Variants in PTPRT observed in about 807,000 individuals in gnomAD.
PTPRT encodes receptor-type tyrosine-protein phosphatase T.
PTPRT carries 56 observed loss-of-function variants against 176.8 expected under a neutral mutation model. That is an observed-to-expected ratio of 0.32 (90% confidence interval 0.26 to 0.40). PTPRT has a LOEUF of 0.40. Among genes scored for constraint, PTPRT ranks in the 10% least tolerant of loss-of-function variants. The pLI is 1.00. For missense variants in PTPRT, 1,540 were observed against 1,908.2 expected, an observed-to-expected ratio of 0.81 and a Z score of 3.60; for synonymous variants, 783 against 739.0, an observed-to-expected ratio of 1.06 and a Z score of -0.96.
chr20:42,455,601 T>C (rs766392275), intron 8 of PTPRT, among the ~76,000 whole-genome samples: 13 of 152,150 alleles, frequency 8.5e-5, no homozygotes, highest in Non-Finnish European at 1.9e-4. Context: ...ATGTCCTCAA[T>C]TCATTTACAA....
chr20:42,033,991 ATTAATTAATATATCAGGTATACTAGT>A, the PTPRT span, among the ~76,000 whole-genome samples: 1 of 152,114 alleles, frequency 6.6e-6, no homozygotes, highest in Non-Finnish European at 1.5e-5. Context: ...TCTACATGTT[ATTAATTAATATATCAGGTATACTAGT>A]TTTCTGTTGC....
chr20:42,926,870 C>T (rs1252680359), intron 1 of PTPRT, among the ~76,000 whole-genome samples: 1 of 152,194 alleles, frequency 6.6e-6, no homozygotes, highest in Non-Finnish European at 1.5e-5. Context: ...GCCACAAATG[C>T]TGCCATCATT....
intron 18 of PTPRT, among the ~76,000 whole-genome samples, chr20:42,135,247 C>G (rs1192537732): frequency 6.6e-6 from 1 of 152,216 alleles, no homozygotes; most frequent in African/African-American, 2.4e-5. Context: ...CTATAACATC[C>G]AAATCATATA....
intron 12 of PTPRT, among the ~76,000 whole-genome samples, chr20:42,296,019 A>C (rs1299759380): frequency 1.3e-5 from 2 of 152,232 alleles, no homozygotes; most frequent in Non-Finnish European, 1.5e-5. Flanking sequence ...TTCTTTATAA[A>C]TTACCCAGTC....
chr20:42,550,490 G>A (rs900286940), intron 7 of PTPRT, among the ~76,000 whole-genome samples: 3 of 151,972 alleles, frequency 2.0e-5, no homozygotes, highest in African/African-American at 7.3e-5. Flanking sequence ...GAATCCAATA[G>A]AATAGATATC....
chr20:42,378,582 T>G (rs761694588), intron 9 of PTPRT, among the ~76,000 whole-genome samples: 1 of 152,222 alleles, frequency 6.6e-6, no homozygotes, highest in Non-Finnish European at 1.5e-5. Flanking sequence ...GCACAAAACC[T>G]GAGGCATATC....
intron 7 of PTPRT, among the ~76,000 whole-genome samples, chr20:42,581,588 G>C (rs2073373419): frequency 1.3e-5 from 2 of 150,452 alleles, no homozygotes; most frequent in Non-Finnish European, 3.0e-5. Context: ...AAGTCACAAA[G>C]TCATTTTTTT....
chr20:42,126,068 C>G (rs1319638837), intron 19 of PTPRT, among the ~76,000 whole-genome samples: 3 of 151,970 alleles, frequency 2.0e-5, no homozygotes, highest in East Asian at 3.9e-4. Context: ...AACTGGGAGC[C>G]ATTCAGGTCT....
chr20:42,645,294 G>T (rs1192852349), intron 7 of PTPRT, among the ~76,000 whole-genome samples: 2 of 152,168 alleles, frequency 1.3e-5, no homozygotes, highest in South Asian at 4.2e-4. Context: ...GTGTGGAAGA[G>T]TTAGGAAGTT....
At chr20:42,750,156 T>A (rs2076750092) in intron 6 of PTPRT, among the ~76,000 whole-genome samples, 1 of 152,156 alleles carries the variant, frequency 6.6e-6, no homozygotes, top group Admixed American at 6.5e-5. Flanking sequence ...AAATTTAAAT[T>A]TTCATAGTAT....
At chr20:42,202,569 AT>A (rs2146691502) in intron 15 of PTPRT, among the ~76,000 whole-genome samples, 1 of 152,300 alleles carries the variant, frequency 6.6e-6, no homozygotes, top group Non-Finnish European at 1.5e-5. Flanking sequence ...ACATTTTGAA[AT>A]TTTATTCTTC....
chr20:42,202,153 A>G (rs1991478480), intron 15 of PTPRT, among the ~76,000 whole-genome samples: 1 of 152,090 alleles, frequency 6.6e-6, no homozygotes, highest in Admixed American at 6.6e-5. Flanking sequence ...GTAATTTAGT[A>G]GAGACAGCGT....
At chr20:42,265,846 CCTT>C (rs2056830555) in intron 13 of PTPRT, among the ~76,000 whole-genome samples, 2 of 152,160 alleles carry the variant, frequency 1.3e-5, no homozygotes, top group South Asian at 2.1e-4. Context: ...GGCTCAAACT[CCTT>C]CTGCCTGGGT....
At chr20:42,373,815 C>T (rs182480988) in intron 9 of PTPRT, among the ~76,000 whole-genome samples, 2 of 152,308 alleles carry the variant, frequency 1.3e-5, no homozygotes, top group African/African-American at 2.4e-5. Flanking sequence ...GCTCTCCTTG[C>T]CCTGTACCAC....
At chr20:42,086,116 T>G (rs1983879287) in intron 27 of PTPRT, among the ~76,000 whole-genome samples, 1 of 152,072 alleles carries the variant, frequency 6.6e-6, no homozygotes, top group Non-Finnish European at 1.5e-5. Context: ...TCTGGCTATT[T>G]TTAGTAAAGA....
chr20:43,153,124 C>T (rs1349440979), intron 1 of PTPRT, among the ~76,000 whole-genome samples: 1 of 152,190 alleles, frequency 6.6e-6, no homozygotes, highest in African/African-American at 2.4e-5. Flanking sequence ...TGGGCAAAGG[C>T]ATGTTGAAGG....
chr20:42,624,819 A>C (rs962368109), intron 7 of PTPRT, among the ~76,000 whole-genome samples: 1 of 152,172 alleles, frequency 6.6e-6, no homozygotes, highest in African/African-American at 2.4e-5. Context: ...CATTCCACAA[A>C]GGGCTTGAGG....
intron 15 of PTPRT, among the ~76,000 whole-genome samples, chr20:42,202,759 G>A (rs6093591): frequency 0.032 from 4,864 of 152,128 alleles, 269 homozygotes; most frequent in African/African-American, 0.11. Flanking sequence ...AGTATGTTTC[G>A]GAGGCTTTGA....
chr20:43,002,397 G>A (rs970763376), intron 1 of PTPRT, among the ~76,000 whole-genome samples: 1 of 152,034 alleles, frequency 6.6e-6, no homozygotes, highest in African/African-American at 2.4e-5. Context: ...TATTAAAATC[G>A]ATATAAAAGC....
Sources: allele counts gnomAD v4.1 joint callset (sites outside exome capture counted in the v4.1 genomes callset), GRCh38; gene constraint gnomAD v4.1.1; transcripts MANE v1.5; gene names NCBI Gene and HGNC (gene_info 2026-07-23, HGNC 2026-07-21).